The following APBB2 variants were observed in gnomAD, a reference collection of about 807,000 sequenced individuals.
APBB2 encodes the protein amyloid beta precursor protein binding family B member 2.
A neutral mutation model predicts 82.5 loss-of-function variants in APBB2; 38 were observed. The observed-to-expected ratio is 0.46, with a 90% CI of 0.36 to 0.60. The LOEUF (loss-of-function observed/expected upper bound fraction) is 0.60. Among genes scored for constraint, APBB2 ranks in the 20% least tolerant of loss-of-function variants. APBB2 has a pLI of 0.00. For synonymous variants in APBB2, 341 were observed against 368.2 expected (o/e 0.93, Z 0.85); for missense variants, 772 against 972.3 (o/e 0.79, Z 2.74).
intron 2 of APBB2, among the ~76,000 whole-genome samples, chr4:41,125,794 C>T (rs1754200357): frequency 6.6e-6 from 1 of 152,202 alleles, no homozygotes. Context: ...AATTAAGCTT[C>T]ACTTAAATTC....
intron 1 of APBB2, among the ~76,000 whole-genome samples, chr4:41,193,288 T>C (rs1774976259): frequency 6.6e-6 from 1 of 152,218 alleles, no homozygotes. Context: ...CAAATGTAAC[T>C]GGCACATACT....
chr4:41,032,973 CG>C (rs1336960763), intron 5 of APBB2, among the ~76,000 whole-genome samples: 1 of 150,852 alleles, frequency 6.6e-6, no homozygotes, highest in Non-Finnish European at 1.5e-5. Flanking sequence ...TTAGTAGAGA[CG>C]GGGTTTCACC....
intron 5 of APBB2, among the ~76,000 whole-genome samples, chr4:41,015,463 T>C (rs965165807): frequency 1.3e-5 from 2 of 152,202 alleles, no homozygotes; most frequent in African/African-American, 4.8e-5. Flanking sequence ...TGAAATTATA[T>C]TCTGACAATT....
chr4:40,972,795 T>C (rs1796283110), intron 6 of APBB2, among the ~76,000 whole-genome samples: 1 of 152,194 alleles, frequency 6.6e-6, no homozygotes. Flanking sequence ...GTTGGTGACA[T>C]TAGACTATTA....
intron 12 of APBB2, chr4:40,857,029 T>C: frequency 1.0e-6 from 1 of 985,584 alleles, no homozygotes; most frequent in Non-Finnish European, 1.2e-6. Context: ...TCCTCACCTT[T>C]GCCTCCCGGT....
At chr4:41,037,630 T>C (rs1162582181) in intron 4 of APBB2, among the ~76,000 whole-genome samples, 1 of 152,198 alleles carries the variant, frequency 6.6e-6, no homozygotes, top group Non-Finnish European at 1.5e-5. Context: ...TACCACATTT[T>C]TTAACGTGGT....
chr4:40,967,472 CTCCAAGCT>C (rs532630284), intron 6 of APBB2, among the ~76,000 whole-genome samples: 2 of 152,216 alleles, frequency 1.3e-5, no homozygotes, highest in Non-Finnish European at 2.9e-5. Flanking sequence ...TTCCTGGCAT[CTCCAAGCT>C]TCTGGGCACC....
At chr4:41,194,623 C>T in intron 1 of APBB2, among the ~76,000 whole-genome samples, 1 of 152,156 alleles carries the variant, frequency 6.6e-6, no homozygotes, top group African/African-American at 2.4e-5. Context: ...AAGATCATGT[C>T]ACCGCACTCT....
intron 6 of APBB2, among the ~76,000 whole-genome samples, chr4:40,946,851 C>T (rs1051765040): frequency 6.6e-6 from 1 of 152,120 alleles, no homozygotes; most frequent in African/African-American, 2.4e-5. Flanking sequence ...GCATCACGTG[C>T]GCAGGCATCA....
chr4:40,817,083 T>A (rs59271201), intron 17 of APBB2, among the ~76,000 whole-genome samples: 4,537 of 148,210 alleles, frequency 0.031, 218 homozygotes, highest in African/African-American at 0.11. Flanking sequence ...ATTTATCAAA[T>A]TTTTTTTTTT....
chr4:41,108,397 T>C (rs1316359168), intron 2 of APBB2, among the ~76,000 whole-genome samples: 2 of 152,120 alleles, frequency 1.3e-5, no homozygotes, highest in African/African-American at 4.8e-5. Context: ...CTATTTCTTT[T>C]CTGAAGCAAT....
Position 40,821,886 on chromosome 4 carries a change from C to T in APBB2, c.2097G>A (p.Val699=), listed in dbSNP as rs964980026. The change falls in exon 17 of 18, where the codon GTG becomes GTA. Residue 699 remains valine, a synonymous_variant. Coordinates refer to ENST00000508593, the MANE Select transcript of APBB2 (RefSeq NM_004307.2). Reference sequence around the variant, plus strand: ...GATAACTCACCATGCAGGCGGCCTGCACCGCCTCAGACACGTTACCAGCAT... The same window carrying T: ...GATAACTCACCATGCAGGCGGCCTGTACCGCCTCAGACACGTTACCAGCAT... ...EPNAGNVSEA[V]QAACMLRYQK... is the part of the protein sequence containing the mutation. 1.4e-5 allele frequency: 22 copies of T among 1,613,192 alleles called. No individual in the cohort carries two copies. The highest frequency in any genetic ancestry group is 1.8e-5 in the Non-Finnish European group (21 of 1,180,016).
At chr4:41,204,956 C>T (rs1777580321) in intron 1 of APBB2, among the ~76,000 whole-genome samples, 1 of 152,214 alleles carries the variant, frequency 6.6e-6, no homozygotes, top group South Asian at 2.1e-4. Context: ...GTGATGTCCA[C>T]AAAAGCTCAC....
chr4:41,103,755 C>T (rs905220251), intron 2 of APBB2, among the ~76,000 whole-genome samples: 3 of 152,134 alleles, frequency 2.0e-5, no homozygotes, highest in Non-Finnish European at 2.9e-5. Flanking sequence ...CCCACTTTAA[C>T]GTCACATGTG....
At chr4:41,185,065 A>G (rs1772518742) in intron 1 of APBB2, among the ~76,000 whole-genome samples, 1 of 152,210 alleles carries the variant, frequency 6.6e-6, no homozygotes, top group Non-Finnish European at 1.5e-5. Flanking sequence ...ACTTTGTTTC[A>G]TTGTATCCCC....
At chr4:40,862,837 C>T (rs28665139) in intron 12 of APBB2, among the ~76,000 whole-genome samples, 38 of 128,700 alleles carry the variant, frequency 3.0e-4, no homozygotes, top group Middle Eastern at 4.1e-3. Context: ...CCAGCCTGGG[C>T]GAGAGTGAGA....
In APBB2 at chr4:40,893,961, G is replaced by A. The variant is rs1328037958; in HGVS notation, c.1255-550C>T. Among the ~76,000 whole-genome samples, 5 of 146,048 alleles carry A rather than the reference G, an allele frequency of 3.4e-5. No homozygotes were observed. In the South Asian group the frequency reaches 6.6e-4, roughly 19 times the overall value. On this transcript the variant is annotated intron_variant, in intron 10 of 17. Coordinates refer to ENST00000508593, the MANE Select transcript of APBB2 (RefSeq NM_004307.2). ...TGCACTCCAGCCTGGGAGACACAGCGAGACTCCATCTCAACAACAACAACA... is the reference window on the plus strand; with the variant it reads ...TGCACTCCAGCCTGGGAGACACAGCAAGACTCCATCTCAACAACAACAACA...
chr4:41,120,055 G>T (rs146040909), intron 2 of APBB2, among the ~76,000 whole-genome samples: 36 of 152,208 alleles, frequency 2.4e-4, no homozygotes, highest in African/African-American at 8.4e-4. Flanking sequence ...TGAGGAAAAC[G>T]GAGGCTTACG....
chr4:41,138,853 A>G (rs1758317064), intron 2 of APBB2, among the ~76,000 whole-genome samples: 1 of 152,194 alleles, frequency 6.6e-6, no homozygotes, highest in Non-Finnish European at 1.5e-5. Flanking sequence ...ATACACATAA[A>G]AAACTATCAG....
Sources: allele counts gnomAD v4.1 joint callset (sites outside exome capture counted in the v4.1 genomes callset), GRCh38; gene constraint gnomAD v4.1.1; transcripts MANE v1.5; gene names NCBI Gene and HGNC (gene_info 2026-07-23, HGNC 2026-07-21).